DNA2: variants seen among roughly 807,000 people sequenced by gnomAD.
DNA2 encodes the protein DNA replication ATP-dependent helicase/nuclease DNA2.
In DNA2, 101 loss-of-function variants were observed where a neutral mutation model predicts 119.1. That is an observed-to-expected ratio of 0.85 (90% confidence interval 0.72 to 1.00). The LOEUF is 1.00. DNA2 is among the 50% of genes least tolerant of loss of function. The probability of loss-of-function intolerance (pLI) is 0.00; values close to 1 mark genes in which losing one functional copy is unlikely to be tolerated. For missense variants in DNA2, 1,121 were observed against 1,255.5 expected (o/e 0.89, Z 1.62); for synonymous variants, 366 against 424.4 (o/e 0.86, Z 1.69).
intron 6 of DNA2, among the ~76,000 whole-genome samples, chr10:68,447,494 G>T (rs1349528695): frequency 6.8e-6 from 1 of 146,592 alleles, no homozygotes; most frequent in Non-Finnish European, 1.5e-5. Context: ...TCCAGCCTGG[G>T]GGACAGAAGG....
Position 68,459,214 on chromosome 10 carries a change from T to G in DNA2, c.609A>C (p.Gln203His), listed in dbSNP as rs976065050. The G allele has an allele frequency of 3.2e-6, 5 of 1,559,446 alleles. No individual in the cohort carries two copies. Among genetic ancestry groups the G allele is most frequent in the Non-Finnish European group, 4.3e-6 (5 of 1,151,602 alleles). The change falls in exon 5 of 21, where the codon CAA becomes CAC. Residue 203 changes from glutamine (Q) to histidine (H), a missense_variant. By Grantham distance (24) the Gln-to-His change is conservative. Coordinates refer to ENST00000358410, the MANE Select transcript of DNA2 (RefSeq NM_001080449.3). ...LKEMYRLNLSQDEIKQEVEDY... is the reference protein window; with the variant it reads ...LKEMYRLNLSHDEIKQEVEDY... ...CCTCTACTTCTTGTTTTATTTCATC[T>G]TGACTTAGATTTAAGCGGTACCTGC...
intron 6 of DNA2, among the ~76,000 whole-genome samples, chr10:68,449,398 CTAA>C (rs892804495): frequency 6.6e-6 from 1 of 152,016 alleles, no homozygotes; most frequent in African/African-American, 2.4e-5. Context: ...TACAGAAAAC[CTAA>C]TAATAGGTGA....
chr10:68,417,551 G>A (rs1243084590), intron 19 of DNA2, among the ~76,000 whole-genome samples: 2 of 151,768 alleles, frequency 1.3e-5, no homozygotes, highest in East Asian at 3.9e-4. Context: ...CTACTCAGGA[G>A]GCTGAGATGG....
At chr10:68,456,030 T>C (rs955223006) in intron 5 of DNA2, among the ~76,000 whole-genome samples, 7 of 152,064 alleles carry the variant, frequency 4.6e-5, no homozygotes, top group African/African-American at 1.7e-4. Context: ...CTAGCCATCC[T>C]GGGTAACATG....
intron 3 of DNA2, among the ~76,000 whole-genome samples, chr10:68,467,360 C>T (rs1052633534): frequency 3.3e-5 from 5 of 151,528 alleles, no homozygotes; most frequent in Middle Eastern, 6.8e-3. Context: ...CTGCTCACCT[C>T]GGCCTCTCAA....
At chr10:68,425,082 AC>A in intron 14 of DNA2, 2 of 301,006 alleles carry the variant, frequency 6.6e-6, no homozygotes, top group South Asian at 3.5e-5. Context: ...TGTCTCTGGA[AC>A]ATTTCTTTTT....
At chr10:68,449,445 A>T (rs2052088683) in intron 6 of DNA2, among the ~76,000 whole-genome samples, 1 of 152,194 alleles carries the variant, frequency 6.6e-6, no homozygotes, top group Non-Finnish European at 1.5e-5. Context: ...TCCCAAATGT[A>T]AAGCTCTTGT....
At chr10:68,427,206 TA>T (rs879787334) in intron 14 of DNA2, among the ~76,000 whole-genome samples, 238 of 142,258 alleles carry the variant, frequency 1.7e-3, no homozygotes, top group Non-Finnish European at 1.5e-3. Context: ...CCGTCTCTAC[TA>T]AAAAAAAAAA....
intron 1 of DNA2, among the ~76,000 whole-genome samples, chr10:68,471,083 C>T (rs12220316): frequency 0.18 from 26,957 of 152,148 alleles, 2,896 homozygotes; most frequent in African/African-American, 0.3. Flanking sequence ...CCCCGTTTGA[C>T]TGAGGCATCA....
chr10:68,423,446 G>A (rs2051693397), intron 14 of DNA2, among the ~76,000 whole-genome samples: 1 of 152,162 alleles, frequency 6.6e-6, no homozygotes, highest in South Asian at 2.1e-4. Context: ...ACACCAGTGG[G>A]TGCTAAAAAC....
chr10:68,464,618 A>G (rs1452943418), intron 4 of DNA2, among the ~76,000 whole-genome samples: 3 of 151,594 alleles, frequency 2.0e-5, no homozygotes, highest in Admixed American at 6.6e-5. Flanking sequence ...CGGATCACCT[A>G]GGTCAGGAGT....
At chr10:68,419,560 T>C (rs554385878) in intron 18 of DNA2, 1 of 559,022 alleles carries the variant, frequency 1.8e-6, no homozygotes, top group Non-Finnish European at 3.2e-6. Flanking sequence ...CACTACAACA[T>C]AGTATTGTCT....
chr10:68,470,217 T>C, intron 1 of DNA2, 54 bp from the exon 2 acceptor site: 2 of 1,443,786 alleles, frequency 1.4e-6, no homozygotes, highest in Non-Finnish European at 9.2e-7. Flanking sequence ...TAAGAAGCCA[T>C]CCAATATGTT....
chr10:68,464,847 A>AG (rs1472233774), intron 4 of DNA2, among the ~76,000 whole-genome samples: 4 of 149,754 alleles, frequency 2.7e-5, no homozygotes, highest in African/African-American at 9.8e-5. Context: ...AAAAAAAAAA[A>AG]AAAAAAAAAA....
At position 68,465,831 on chromosome 10, in the gene DNA2, C is replaced by G; in HGVS notation, c.442-19G>C. The G allele has an allele frequency of 1.3e-6, 2 of 1,487,542 alleles. No homozygotes were observed. Among genetic ancestry groups the G allele is most frequent in the Non-Finnish European group, 1.8e-6 (2 of 1,114,772 alleles). The allele number at this position is 1,487,542 out of a possible 1,614,324, so 92.1% of individuals were successfully genotyped here. ...CAGAGCTCTACAAAAGCAAATCACA[C>G]AGTTTATTTCACAACATATTAACAG... On this transcript the variant is annotated intron_variant, in intron 3 of 20. Transcript: ENST00000358410.
At chr10:68,422,142 A>C (rs2051673414) in intron 17 of DNA2, 83 bp downstream of exon 17, 1 of 1,149,112 alleles carries the variant, frequency 8.7e-7, no homozygotes, top group Non-Finnish European at 1.2e-6. Flanking sequence ...ATAAGCTCTA[A>C]TTAGGGCATG....
At chr10:68,452,640 C>G (rs944602704) in intron 5 of DNA2, among the ~76,000 whole-genome samples, 2 of 151,654 alleles carry the variant, frequency 1.3e-5, no homozygotes, top group Admixed American at 1.3e-4. Context: ...AGCACGAACA[C>G]AGTTTACTGC....
intron 14 of DNA2, chr10:68,424,559 C>G: frequency 1.1e-6 from 1 of 888,732 alleles, no homozygotes; most frequent in Non-Finnish European, 1.9e-6. Flanking sequence ...GGAGCATCAC[C>G]ATGAAGTTCA....
At chr10:68,452,656 C>T (rs1267158954) in intron 5 of DNA2, among the ~76,000 whole-genome samples, 3 of 149,556 alleles carry the variant, frequency 2.0e-5, no homozygotes, top group South Asian at 2.1e-4. Flanking sequence ...ACTGCAGCTT[C>T]GACCTCCTGG....
Sources: gnomAD v4.1 joint callset for allele counts (sites outside exome capture counted in the v4.1 genomes callset) on GRCh38, gnomAD v4.1.1 for gene constraint, MANE v1.5 for transcripts, NCBI Gene and HGNC (gene_info 2026-07-23, HGNC 2026-07-21) for gene names.